POLR1E: variants seen among roughly 807,000 people sequenced by gnomAD.
POLR1E encodes RNA polymerase I subunit E.
A neutral mutation model predicts 50.9 loss-of-function variants in POLR1E; 37 were observed. The ratio of observed to expected loss-of-function variants is 0.73; its 90% confidence interval spans 0.56 to 0.96. POLR1E has a LOEUF of 0.96. Among genes scored for constraint, POLR1E ranks in the 40% least tolerant of loss-of-function variants. The probability of loss-of-function intolerance (pLI) is 0.00; values close to 1 mark genes in which losing one functional copy is unlikely to be tolerated. For missense variants in POLR1E, 426 were observed against 518.1 expected (o/e 0.82, Z 1.73); for synonymous variants, 166 against 191.6 (o/e 0.87, Z 1.10).
chr9:37,486,421 T>G, intron 1 of POLR1E: 1 of 1,529,486 alleles, frequency 6.5e-7, no homozygotes, highest in Non-Finnish European at 8.8e-7. Flanking sequence ...TGGGCAGGGG[T>G]TCCTTCTGTC....
At chr9:37,490,519 T>C in intron 4 of POLR1E, 1 of 779,842 alleles carries the variant, frequency 1.3e-6, no homozygotes, top group African/African-American at 1.7e-5. Flanking sequence ...GGCTGGCGCT[T>C]CAGTTGAACC....
chr9:37,493,586 A>G lies in POLR1E; in HGVS notation c.430A>G (p.Thr144Ala), dbSNP rs745795341. The G allele has an allele frequency of 1.9e-6, 3 of 1,607,904 alleles. No homozygotes were observed. Among genetic ancestry groups the G allele is most frequent in the Non-Finnish European group, 2.5e-6 (3 of 1,176,750 alleles). ...KMDSCIEAFG[T>A]TKQKRALNTR... is the part of the protein sequence containing the mutation. ...GGATTCTTGTATTGAAGCCTTTGGT[A>G]CCACCAAACAGAAGCGAGCTCTGAA... Residue 144 changes from threonine (T) to alanine (A), a missense_variant, in exon 6 of 12, where the codon ACC (threonine) becomes GCC (alanine). Transcript: ENST00000377798.
intron 10 of POLR1E, among the ~76,000 whole-genome samples, chr9:37,501,487 C>G (rs7866535): frequency 0.041 from 6,172 of 152,308 alleles, 418 homozygotes; most frequent in African/African-American, 0.14. Context: ...GTAGGCCCAG[C>G]TTTCTCTATC....
chr9:37,492,448 G>T (rs1182305868), intron 4 of POLR1E: 7 of 846,876 alleles, frequency 8.3e-6, no homozygotes, highest in Non-Finnish European at 1.3e-5. Context: ...ATGACCGCTT[G>T]ATTTGGCTAA....
chr9:37,490,817 G>A, intron 4 of POLR1E: 1 of 596,792 alleles, frequency 1.7e-6, no homozygotes, highest in Admixed American at 1.9e-5. Flanking sequence ...TGTGGCCAAA[G>A]GAACAACTCC....
chr9:37,490,770 T>G (rs1820669539), intron 4 of POLR1E: 1 of 639,424 alleles, frequency 1.6e-6, no homozygotes, highest in African/African-American at 1.8e-5. Context: ...ATTCCCTTGA[T>G]GTCTACGATA....
At chr9:37,497,666 T>C (rs1016839537) in intron 8 of POLR1E, among the ~76,000 whole-genome samples, 1 of 152,226 alleles carries the variant, frequency 6.6e-6, no homozygotes, top group Admixed American at 6.5e-5. Flanking sequence ...GCCTAAAATA[T>C]TTACTGTCTA....
rs762097311 is a variant in POLR1E at position 37,501,760 on chromosome 9, A to G, written c.1016A>G (p.Tyr339Cys). 5.0e-6 allele frequency: 8 copies of G among 1,613,980 alleles called. No individual in the cohort carries two copies. The African/African-American group carries it at 5.3e-5, about 11-fold the overall frequency. ...TCTATGAAGGCGAAGATTACTGCATATGTGATCATACTTGCCTTGCACATA... is the reference window on the plus strand; with the variant it reads ...TCTATGAAGGCGAAGATTACTGCATGTGTGATCATACTTGCCTTGCACATA... Reference protein sequence around the residue: ...SDSMKAKITAYVIILALHIHD... With the variant: ...SDSMKAKITACVIILALHIHD... The change falls in exon 11 of 12, where the codon TAT becomes TGT. Residue 339 changes from tyrosine (Y) to cysteine (C), a missense_variant. Coordinates refer to ENST00000377798, the MANE Select transcript of POLR1E (RefSeq NM_022490.4).
chr9:37,489,389 C>A lies in POLR1E; in HGVS notation c.332C>A (p.Pro111Gln). Residue 111 changes from proline (P) to glutamine (Q), a missense_variant, in exon 4 of 12, where the codon CCA (proline) becomes CAA (glutamine). Pro to Gln is a moderately conservative substitution (Grantham distance 76). Coordinates refer to ENST00000377798, the MANE Select transcript of POLR1E (RefSeq NM_022490.4). The stretch of plus-strand genomic sequence containing the variant: ...GATGCTGAATTGTTCAACATGCAGC[C>A]ACTATTTTCAGGTAGGTCCCAGTCA... ...VYDAELFNMQPLFSDVSVESE... is the reference protein window; with the variant it reads ...VYDAELFNMQQLFSDVSVESE... The A allele has an allele frequency of 6.3e-7, 1 of 1,591,618 alleles. No homozygotes were observed. The highest frequency in any genetic ancestry group is 8.5e-7 in the Non-Finnish European group (1 of 1,173,312).
chr9:37,496,794 G>A lies in POLR1E; in HGVS notation c.752+808G>A, dbSNP rs193143114. 3.2e-4 allele frequency among the ~76,000 whole-genome samples: 48 copies of A among 152,152 alleles called. 1 individual carries two copies. In the East Asian group the frequency reaches 9.1e-3, roughly 29 times the overall value. On this transcript the variant is annotated intron_variant, in intron 8 of 11. Transcript: ENST00000377798. ...TCTGCCCTTATCTTCCCTTCTTGAA[G>A]CCTCAGTTTTTCTATCTGTAAAATG...
chr9:37,495,794 C>T, intron 7 of POLR1E, 96 bp from the exon 8 acceptor site: 2 of 858,506 alleles, frequency 2.3e-6, no homozygotes, highest in East Asian at 2.5e-5. Context: ...GCTCTCTGAG[C>T]CTGTTTCCCT....
At chr9:37,486,561 T>C in intron 1 of POLR1E, 142 bp from the exon 2 acceptor site, 1 of 1,599,668 alleles carries the variant, frequency 6.3e-7, no homozygotes, top group Non-Finnish European at 8.5e-7. Flanking sequence ...TCTCCTCCAG[T>C]TCCCTTTGGG....
chr9:37,497,874 C>A (rs142365409), intron 8 of POLR1E, among the ~76,000 whole-genome samples: 3 of 152,130 alleles, frequency 2.0e-5, no homozygotes, highest in African/African-American at 7.2e-5. Flanking sequence ...GTGATCCTCC[C>A]GCCTCAGCCT....
intron 9 of POLR1E, among the ~76,000 whole-genome samples, chr9:37,498,605 A>C (rs1016501716): frequency 1.3e-5 from 2 of 152,234 alleles, no homozygotes; most frequent in Non-Finnish European, 2.9e-5. Context: ...GTATATATAG[A>C]GAGAGCTTAT....
intron 3 of POLR1E, among the ~76,000 whole-genome samples, chr9:37,488,409 A>G (rs1211977468): frequency 6.6e-6 from 1 of 151,786 alleles, no homozygotes; most frequent in Non-Finnish European, 1.5e-5. Flanking sequence ...CCCTCTGTAC[A>G]GTGAAGATTG....
intron 10 of POLR1E, 73 bp downstream of exon 10, chr9:37,500,994 C>A: frequency 7.3e-7 from 1 of 1,377,176 alleles, no homozygotes; most frequent in Non-Finnish European, 1.0e-6. Flanking sequence ...GGAGCAGGGG[C>A]TTGGACTCAA....
intron 7 of POLR1E, 67 bp downstream of exon 7, chr9:37,495,343 C>A: frequency 1.5e-6 from 2 of 1,305,094 alleles, no homozygotes; most frequent in South Asian, 2.4e-5. Flanking sequence ...TGTGTGCAGT[C>A]AGGTTCTCTG....
rs1289549284 is a variant in POLR1E at position 37,495,259 on chromosome 9, T to C, written c.638T>C (p.Val213Ala). 1 of 1,613,618 alleles carries C rather than the reference T, an allele frequency of 6.2e-7. No homozygotes were observed. Among genetic ancestry groups the C allele is most frequent in the East Asian group, 2.2e-5 (1 of 44,882 alleles). ...GATGATGCAGCCAAGCCTGAAGACG[T>C]GTATAAATTTGAAGATCGTATCCTT... ...CYDDAAKPED[V>A]YKFEDLLSPA... Residue 213 changes from valine to alanine, a missense_variant, in exon 7 of 12, where the codon GTG (valine) becomes GCG (alanine). Val to Ala is a moderately conservative substitution (Grantham distance 64, BLOSUM62 0). Transcript: ENST00000377798.
At chr9:37,492,393 TG>T in intron 4 of POLR1E, 2 of 1,080,750 alleles carry the variant, frequency 1.9e-6, no homozygotes, top group Non-Finnish European at 2.6e-6. Context: ...ATTTCATCTG[TG>T]GGCCTTCTGT....
Sources: gnomAD v4.1 joint callset for allele counts (sites outside exome capture counted in the v4.1 genomes callset) on GRCh38, gnomAD v4.1.1 for gene constraint, MANE v1.5 for transcripts, NCBI Gene and HGNC (gene_info 2026-07-23, HGNC 2026-07-21) for gene names.